ZNF738: variants seen among roughly 807,000 people sequenced by gnomAD.
ZNF738 encodes the protein zinc finger protein 738.
A neutral mutation model predicts 9.2 loss-of-function variants in ZNF738; 10 were observed. That is an observed-to-expected ratio of 1.09 (90% confidence interval 0.67 to 1.85). The LOEUF (loss-of-function observed/expected upper bound fraction) is 1.85. ZNF738 is among the 40% of genes most tolerant of loss of function. The pLI, the probability that ZNF738 is intolerant of heterozygous loss-of-function variation, is 0.00. For synonymous variants in ZNF738, 113 were observed against 94.5 expected, an observed-to-expected ratio of 1.20 and a Z score of -1.14; for missense variants, 346 against 283.6, an observed-to-expected ratio of 1.22 and a Z score of -1.58.
intron 2 of ZNF738, among the ~76,000 whole-genome samples, chr19:21,367,055 C>G (rs1235305549): frequency 6.6e-6 from 1 of 152,146 alleles, no homozygotes; most frequent in East Asian, 1.9e-4. Flanking sequence ...GATTCTGTGT[C>G]TGGATGTGTA....
intron 2 of ZNF738, 49 bp downstream of exon 2, chr19:21,361,907 A>T (rs749145385): frequency 2.7e-6 from 2 of 737,216 alleles, no homozygotes; most frequent in Admixed American, 4.0e-5. Context: ...CTTGAAAAAC[A>T]TGCTCTACTA....
chr19:21,381,469 A>G, intron 4 of ZNF738: 2 of 1,209,324 alleles, frequency 1.7e-6, no homozygotes, highest in Non-Finnish European at 2.4e-6. Context: ...CAACTTTTAC[A>G]CCTACAAGCT....
At position 21,383,393 on chromosome 19, in the gene ZNF738, G is replaced by T. The variant is rs55875743; in HGVS notation, c.847G>T (p.Ala283Ser). Residue 283 changes from alanine (A) to serine (S), a missense_variant, in exon 5 of 5, where the codon GCT becomes TCT. Ala to Ser is a moderately conservative substitution (Grantham distance 99). Transcript: ENST00000683779. ...TCTTACTAGACATAAGGTAATTCAT[G>T]CTGGAGAGAAACACTACAAATGTGA... Reference protein sequence around the residue: ...TTLTRHKVIHAGEKHYKCEKC... With the variant: ...TTLTRHKVIHSGEKHYKCEKC... 0.24 allele frequency: 159,782 copies of T among 670,136 alleles called. 16,181 individuals are homozygous for T. Among genetic ancestry groups the T allele is most frequent in the Non-Finnish European group, 0.3 (123,386 of 413,902 alleles). The allele number at this position is 670,136 out of a possible 1,614,324, so 41.5% of individuals were successfully genotyped here. A position where few individuals can be genotyped will look rare whatever the true frequency, so the allele number is the denominator to read the frequency against.
chr19:21,383,189 A>G lies in ZNF738; in HGVS notation c.643A>G (p.Met215Val), dbSNP rs980024786. ...KCKKCGKSFCMLLHLGQHKII... is the reference protein window; with the variant it reads ...KCKKCGKSFCVLLHLGQHKII... ...TAAAAAATGTGGCAAATCATTTTGC[A>G]TGCTTTTACACCTAGGTCAACATAA... is the stretch of plus-strand genomic sequence containing the variant. The change falls in exon 5 of 5, where the codon ATG becomes GTG. Residue 215 changes from methionine (M) to valine (V), a missense_variant. Physicochemically the swap from Met to Val is conservative, Grantham distance 21 (BLOSUM62 1). Coordinates refer to ENST00000683779, the MANE Select transcript of ZNF738 (RefSeq NM_001355237.2). 1.9e-6 allele frequency: 3 copies of G among 1,601,446 alleles called. No homozygotes were observed. The Admixed American group carries it at 5.0e-5, about 27-fold the overall frequency.
At chr19:21,365,343 ATTCAGCCCAGTAGGT>A (rs945460781) in intron 2 of ZNF738, among the ~76,000 whole-genome samples, 6 of 152,096 alleles carry the variant, frequency 3.9e-5, no homozygotes, top group Non-Finnish European at 7.4e-5. Flanking sequence ...CCATCTGGGA[ATTCAGCCCAGTAGGT>A]TTCAGCCCTA....
rs1244628677 is a variant in ZNF738 at position 21,388,540 on chromosome 19, T to A, written c.*4866T>A. On this transcript the variant is annotated 3_prime_UTR_variant, in exon 5 of 5. Coordinates refer to ENST00000683779, the MANE Select transcript of ZNF738 (RefSeq NM_001355237.2). ...ATTATTAGTATATTATTGTACTAAT[T>A]GTACTTTTATATAATAAAATGCAGC... Among the ~76,000 whole-genome samples, 1 of 152,142 alleles carries A rather than the reference T, an allele frequency of 6.6e-6. No individual in the cohort carries two copies. Among genetic ancestry groups the A allele is most frequent in the Non-Finnish European group, 1.5e-5 (1 of 68,014 alleles).
At chr19:21,360,798 A>G (rs563316256) in intron 1 of ZNF738, among the ~76,000 whole-genome samples, 48 of 145,868 alleles carry the variant, frequency 3.3e-4, no homozygotes, top group Middle Eastern at 3.7e-3. Flanking sequence ...TTAATTAATT[A>G]TTTTTTGGCA....
intron 4 of ZNF738, chr19:21,377,767 G>A (rs1443238226): frequency 5.6e-6 from 2 of 357,484 alleles, no homozygotes; most frequent in African/African-American, 4.2e-5. Flanking sequence ...GATGTCAGCT[G>A]ACCCTTGTAG....
At chr19:21,370,358 A>G (rs1162984208) in intron 2 of ZNF738, among the ~76,000 whole-genome samples, 2 of 152,018 alleles carry the variant, frequency 1.3e-5, no homozygotes, top group Admixed American at 1.3e-4. Flanking sequence ...TTTTTGTTTT[A>G]TATTTGCCAG....
At chr19:21,374,670 A>T (rs562496227) in intron 2 of ZNF738, among the ~76,000 whole-genome samples, 7 of 151,866 alleles carry the variant, frequency 4.6e-5, no homozygotes, top group African/African-American at 1.7e-4. Flanking sequence ...GAAAATGAAG[A>T]CTCTTATCTT....
chr19:21,377,505 CAG>C, intron 4 of ZNF738: 1 of 667,974 alleles, frequency 1.5e-6, no homozygotes, highest in Admixed American at 2.3e-5. Context: ...CACAGACACA[CAG>C]ACGTGCACAC....
rs557496502 is a variant in ZNF738, at chr19:21,383,595, G to T, written c.1049G>T (p.Gly350Val). 2.0e-6 allele frequency: 2 copies of T among 1,019,314 alleles called. No individual in the cohort carries two copies. The highest frequency in any genetic ancestry group is 1.8e-5 in the Admixed American group (1 of 56,830). The allele number at this position is 1,019,314 out of a possible 1,614,324, so 63.1% of individuals were successfully genotyped here. The change falls in exon 5 of 5, where the codon GGC becomes GTC. Residue 350 changes from glycine (G) to valine (V), a missense_variant. Gly to Val is a moderately radical substitution (Grantham distance 109). Coordinates refer to ENST00000683779, the MANE Select transcript of ZNF738 (RefSeq NM_001355237.2). The stretch of plus-strand genomic sequence containing the variant: ...AAACCCTACAAATGTGAGGAATGTG[G>T]CAAAGCTTTTAATTGGTACTCACAC... Reference protein sequence around the residue: ...GEKPYKCEECGKAFNWYSHLT... With the variant: ...GEKPYKCEECVKAFNWYSHLT...
chr19:21,364,981 A>G (rs1295751491), intron 2 of ZNF738, among the ~76,000 whole-genome samples: 2 of 136,202 alleles, frequency 1.5e-5, no homozygotes, highest in African/African-American at 5.6e-5. Flanking sequence ...GATGGTCTCC[A>G]TCTCTTGACC....
At position 21,386,043 on chromosome 19, in the gene ZNF738, A is replaced by G. The variant is rs1477818409; in HGVS notation, c.*2369A>G. On this transcript the variant is annotated 3_prime_UTR_variant, in exon 5 of 5. Transcript: ENST00000683779. ...TATGAAGAATATCTCAAAACTTTTT[A>G]TAGATTCTCATACCTTATTAAACAT... Among the ~76,000 whole-genome samples the G allele has an allele frequency of 1.3e-5, 2 of 152,322 alleles. No homozygotes were observed. Among genetic ancestry groups the G allele is most frequent in the East Asian group, 1.9e-4 (1 of 5,180 alleles).
chr19:21,381,501 CT>C (rs569905566), intron 4 of ZNF738: 116 of 994,098 alleles, frequency 1.2e-4, no homozygotes, highest in South Asian at 4.3e-4. Flanking sequence ...TTTTCTTTTT[CT>C]TTTTTTTTCG....
intron 2 of ZNF738, among the ~76,000 whole-genome samples, chr19:21,374,085 G>T (rs1427876407): frequency 1.3e-5 from 2 of 152,098 alleles, no homozygotes; most frequent in Non-Finnish European, 2.9e-5. Flanking sequence ...GTTGAACGTG[G>T]AAAGATGTGG....
At chr19:21,362,539 G>T (rs1461905858) in intron 2 of ZNF738, among the ~76,000 whole-genome samples, 1 of 152,162 alleles carries the variant, frequency 6.6e-6, no homozygotes, top group African/African-American at 2.4e-5. Context: ...ACGTGAGTCA[G>T]ACACATCTGT....
intron 4 of ZNF738, chr19:21,381,579 C>T (rs1974004848): frequency 5.0e-6 from 3 of 603,826 alleles, no homozygotes; most frequent in South Asian, 2.0e-5. Context: ...CTGCAAGCTC[C>T]GTCTCCCGGG....
At chr19:21,380,280 G>T (rs1344019535) in intron 4 of ZNF738, among the ~76,000 whole-genome samples, 1 of 152,180 alleles carries the variant, frequency 6.6e-6, no homozygotes, top group Non-Finnish European at 1.5e-5. Context: ...AAAATAATAT[G>T]ATCTCCATCA....
Sources: allele counts gnomAD v4.1 joint callset (sites outside exome capture counted in the v4.1 genomes callset), GRCh38; gene constraint gnomAD v4.1.1; transcripts MANE v1.5; gene names NCBI Gene and HGNC (gene_info 2026-07-23, HGNC 2026-07-21).